The following CLIC6 variants were observed in gnomAD, a reference collection of about 807,000 sequenced individuals.
CLIC6 encodes CLIC family member 6.
A neutral mutation model predicts 49.2 loss-of-function variants in CLIC6; 39 were observed. The observed-to-expected ratio is 0.79, with a 90% CI of 0.61 to 1.04. The LOEUF (loss-of-function observed/expected upper bound fraction) is 1.04, where lower values mean the gene tolerates loss of function less well. Among genes scored for constraint, CLIC6 ranks in the 50% least tolerant of loss-of-function variants. The pLI is 0.00. For missense variants in CLIC6, 988 were observed against 993.1 expected (o/e 0.99, Z 0.07); for synonymous variants, 446 against 433.4 (o/e 1.03, Z -0.36).
At chr21:34,681,694 C>G (rs1318730771) in intron 1 of CLIC6, among the ~76,000 whole-genome samples, 1 of 152,110 alleles carries the variant, frequency 6.6e-6, no homozygotes, top group Non-Finnish European at 1.5e-5. Flanking sequence ...TTTTCCAGAG[C>G]AATGATCTAA....
intron 2 of CLIC6, 141 bp from the exon 3 acceptor site, chr21:34,707,803 A>G: frequency 1.2e-6 from 1 of 840,912 alleles, no homozygotes; most frequent in Non-Finnish European, 1.9e-6. Flanking sequence ...CATCGCCAGC[A>G]AGACATTTTC....
At chr21:34,682,799 CCATTTTTTTTTT>C (rs1989803185) in intron 1 of CLIC6, among the ~76,000 whole-genome samples, 2 of 133,256 alleles carry the variant, frequency 1.5e-5, no homozygotes, top group African/African-American at 2.7e-5. Flanking sequence ...CCCTTTCCCT[CCATTTTTTTTTT>C]TTTTTTTTTT....
chr21:34,691,224 T>C (rs562841520), intron 1 of CLIC6, among the ~76,000 whole-genome samples: 1 of 152,326 alleles, frequency 6.6e-6, no homozygotes, highest in South Asian at 2.1e-4. Context: ...CTTGTAAAGA[T>C]TCAGAGACTA....
At chr21:34,675,734 G>A (rs2834574) in intron 1 of CLIC6, among the ~76,000 whole-genome samples, 2 of 151,924 alleles carry the variant, frequency 1.3e-5, no homozygotes, top group East Asian at 1.9e-4. Context: ...ATTGCCTCTC[G>A]GTTCTCACCA....
intron 1 of CLIC6, among the ~76,000 whole-genome samples, chr21:34,704,407 T>C (rs1312173267): frequency 6.6e-6 from 1 of 152,214 alleles, no homozygotes; most frequent in African/African-American, 2.4e-5. Context: ...AAAGGAATTT[T>C]TTAGAGCAAT....
chr21:34,674,181 G>C (rs1201063278), intron 1 of CLIC6, among the ~76,000 whole-genome samples: 1 of 152,068 alleles, frequency 6.6e-6, no homozygotes, highest in Non-Finnish European at 1.5e-5. Flanking sequence ...CAGCTCCTAG[G>C]CTCAAGCAGT....
rs146848934 is a variant in CLIC6, at chr21:34,708,556, C to G, written c.1611-144C>G. On this transcript the variant is annotated intron_variant, in intron 3 of 5. Coordinates refer to ENST00000349499, the MANE Select transcript of CLIC6 (RefSeq NM_053277.3). ...TCTCCTAGATGTTGTTACTTCCCAA[C>G]CTTTGAGAGGAAAAGGGTCAGGAAA... The G allele has an allele frequency of 7.7e-6, 5 of 646,644 alleles. No homozygotes were observed. The African/African-American group carries it at 9.2e-5, about 12-fold the overall frequency. 40.1% of individuals were successfully genotyped at this position (646,644 alleles called of 1,614,324 possible). A position where few individuals can be genotyped will look rare whatever the true frequency, so the allele number is the denominator to read the frequency against.
intron 1 of CLIC6, among the ~76,000 whole-genome samples, chr21:34,672,062 T>G (rs1351058200): frequency 6.6e-6 from 1 of 152,210 alleles, no homozygotes; most frequent in Non-Finnish European, 1.5e-5. Context: ...TAAGGATACA[T>G]GATTCTGGCA....
chr21:34,694,061 C>T (rs1326938463), intron 1 of CLIC6, among the ~76,000 whole-genome samples: 3 of 150,730 alleles, frequency 2.0e-5, no homozygotes, highest in Admixed American at 6.6e-5. Context: ...CAAGCTCCGC[C>T]TCCTGGGTTC....
chr21:34,684,709 G>C (rs572147279), intron 1 of CLIC6, among the ~76,000 whole-genome samples: 1 of 152,108 alleles, frequency 6.6e-6, no homozygotes, highest in Non-Finnish European at 1.5e-5. Flanking sequence ...CTCTTTCTAC[G>C]GTAGGAGACT....
rs1989550004 is a variant in CLIC6 at position 34,670,850 on chromosome 21, G to A, written c.1374+88G>A. ...AGATCCCAGAGGGACGCGCAGGGAG[G>A]AACCCTTGGTGGTATCCTGATTGTC... On this transcript the variant is annotated intron_variant, in intron 1 of 5. Transcript: ENST00000349499. 6 of 1,404,220 alleles carry A rather than the reference G, an allele frequency of 4.3e-6. No individual in the cohort carries two copies. In the South Asian group the frequency reaches 6.9e-5, roughly 16 times the overall value. The allele number at this position is 1,404,220 out of a possible 1,614,324, so 87.0% of individuals were successfully genotyped here.
chr21:34,683,488 A>G (rs1639874471), intron 1 of CLIC6, among the ~76,000 whole-genome samples: 1 of 152,244 alleles, frequency 6.6e-6, no homozygotes, highest in African/African-American at 2.4e-5. Flanking sequence ...ATTGTGGAGG[A>G]CAATGAAGCC....
intron 1 of CLIC6, among the ~76,000 whole-genome samples, chr21:34,679,619 A>G (rs949936845): frequency 1.3e-5 from 2 of 152,238 alleles, no homozygotes; most frequent in South Asian, 2.1e-4. Flanking sequence ...TAAAGTCAAA[A>G]GCAAGTTAGT....
At chr21:34,709,864 A>C (rs2056043945) in intron 5 of CLIC6, among the ~76,000 whole-genome samples, 1 of 152,204 alleles carries the variant, frequency 6.6e-6, no homozygotes, top group African/African-American at 2.4e-5. Context: ...AGAATTAGAG[A>C]TGAGGCTCGT....
chr21:34,707,233 A>G (rs1381486367), intron 1 of CLIC6, 47 bp from the exon 2 acceptor site: 3 of 1,405,292 alleles, frequency 2.1e-6, no homozygotes, highest in Admixed American at 3.3e-5. Context: ...GTTGGCACTT[A>G]TAATTGTGAG....
intron 4 of CLIC6, among the ~76,000 whole-genome samples, chr21:34,709,056 C>A (rs1425377146): frequency 6.6e-6 from 1 of 152,204 alleles, no homozygotes; most frequent in Admixed American, 6.5e-5. Context: ...TCCGGACACA[C>A]CATGGGAATC....
At chr21:34,671,138 A>AG (rs1989559630) in intron 1 of CLIC6, among the ~76,000 whole-genome samples, 2 of 78,586 alleles carry the variant, frequency 2.5e-5, no homozygotes, top group African/African-American at 9.7e-5. Flanking sequence ...AAAAAAAAAA[A>AG]AAAAGAAGAA....
At chr21:34,686,278 G>A (rs1262325622) in intron 1 of CLIC6, among the ~76,000 whole-genome samples, 2 of 152,156 alleles carry the variant, frequency 1.3e-5, no homozygotes, top group East Asian at 1.9e-4. Context: ...GCACTCGCCT[G>A]TAGTCTCAGC....
chr21:34,688,660 A>G (rs1256712275), intron 1 of CLIC6, among the ~76,000 whole-genome samples: 1 of 152,136 alleles, frequency 6.6e-6, no homozygotes, highest in Admixed American at 6.5e-5. Context: ...AAGAAGGGAG[A>G]AGAAGGTGAC....
Sources: gnomAD v4.1 joint callset for allele counts (sites outside exome capture counted in the v4.1 genomes callset) on GRCh38, gnomAD v4.1.1 for gene constraint, MANE v1.5 for transcripts, NCBI Gene and HGNC (gene_info 2026-07-23, HGNC 2026-07-21) for gene names.